Variants in PAQR5 observed in about 807,000 individuals in gnomAD.
PAQR5 encodes progestin and adipoQ receptor family member 5.
Under a neutral mutation model 34.5 loss-of-function variants are expected in PAQR5, and 20 were observed. The ratio of observed to expected loss-of-function variants is 0.58; its 90% CI spans 0.41 to 0.84. PAQR5 has a LOEUF of 0.84. Ranked by LOEUF, PAQR5 falls within the 40% of genes least tolerant of loss-of-function variation. The pLI is 0.00. For synonymous variants in PAQR5, 131 were observed against 155.6 expected, an observed-to-expected ratio of 0.84 and a Z score of 1.18; for missense variants, 378 against 412.7, an observed-to-expected ratio of 0.92 and a Z score of 0.73.
At chr15:69,392,319 A>G (rs2056297993) in intron 6 of PAQR5, among the ~76,000 whole-genome samples, 2 of 152,108 alleles carry the variant, frequency 1.3e-5, no homozygotes. Context: ...CTGATGGTTC[A>G]GATATAACGG....
intron 1 of PAQR5, among the ~76,000 whole-genome samples, chr15:69,300,943 CTTTCCT>C (rs1246410856): frequency 3.1e-4 from 14 of 44,620 alleles, no homozygotes; most frequent in African/African-American, 9.1e-4. Flanking sequence ...CTCTCTCTTT[CTTTCCT>C]TCTTTCTTTC....
At chr15:69,371,141 GTTC>G (rs773401986) in intron 3 of PAQR5, among the ~76,000 whole-genome samples, 105 of 152,150 alleles carry the variant, frequency 6.9e-4, no homozygotes, top group Non-Finnish European at 1.3e-3. Context: ...AGTCATTGTA[GTTC>G]TTAGTTTTGT....
intron 2 of PAQR5, among the ~76,000 whole-genome samples, chr15:69,345,273 G>A (rs2054740275): frequency 6.6e-6 from 1 of 152,208 alleles, no homozygotes; most frequent in South Asian, 2.1e-4. Flanking sequence ...ATGCTGTGAA[G>A]AGACTGTTTA....
At chr15:69,383,253 C>G (rs2055962225) in intron 4 of PAQR5, among the ~76,000 whole-genome samples, 10 of 83,934 alleles carry the variant, frequency 1.2e-4, no homozygotes, top group Middle Eastern at 6.0e-3. Context: ...CCATGTTCAT[C>G]ATGGAGGGTG....
chr15:69,349,175 T>C (rs2054848720), intron 2 of PAQR5, among the ~76,000 whole-genome samples: 1 of 152,130 alleles, frequency 6.6e-6, no homozygotes, highest in South Asian at 2.1e-4. Context: ...CACAATGGTA[T>C]GGCCTTCCCA....
At position 69,365,046 on chromosome 15, in the gene PAQR5, A is replaced by AATTTT. The variant is rs71803465; in HGVS notation, c.51+4980_51+4984dup. ...CCACCGCATCTGGCCTTCCCTTATGAATTTTATTTTATTTTATTTTATTTT... is the reference window on the plus strand; with the variant it reads ...CCACCGCATCTGGCCTTCCCTTATGAATTTTATTTTATTTTATTTTATTTTATTTT... On this transcript the variant is annotated intron_variant, in intron 3 of 8. Coordinates refer to ENST00000395407, the MANE Select transcript of PAQR5 (RefSeq NM_017705.4). Among the ~76,000 whole-genome samples the AATTTT allele has an allele frequency of 3.6e-3, 473 of 132,020 alleles. 10 individuals are homozygous for AATTTT. Among genetic ancestry groups the AATTTT allele is most frequent in the African/African-American group, 0.013 (453 of 34,170 alleles). The allele number at this position is 132,020 out of a possible 152,430, so 86.6% of individuals were successfully genotyped here. A position where few individuals can be genotyped will look rare whatever the true frequency, so the allele number is the denominator to read the frequency against.
chr15:69,325,680 T>G (rs1039892383), intron 1 of PAQR5, among the ~76,000 whole-genome samples: 3 of 152,202 alleles, frequency 2.0e-5, no homozygotes, highest in Admixed American at 6.5e-5. Flanking sequence ...CCAGGGCAGG[T>G]GCAAACTCGG....
intron 1 of PAQR5, among the ~76,000 whole-genome samples, chr15:69,313,509 G>T (rs143566477): frequency 3.9e-5 from 6 of 152,040 alleles, no homozygotes; most frequent in African/African-American, 1.4e-4. Flanking sequence ...CAAAAACAGC[G>T]GCAACAACAA....
rs184216198 is a variant in PAQR5 at position 69,365,150 on chromosome 15, A to G, written c.51+5019A>G. ...GAGACAGAGTCTTGCTTTGTCACCC[A>G]GGCTGGAGTGCAGTGGCGCAATCTC... On this transcript the variant is annotated intron_variant, in intron 3 of 8. Transcript: ENST00000395407. Among the ~76,000 whole-genome samples, 367 of 150,972 alleles carry G rather than the reference A, an allele frequency of 2.4e-3. 2 individuals carry two copies. The highest frequency in any genetic ancestry group is 8.8e-3 in the African/African-American group (359 of 40,928).
chr15:69,359,389 G>A (rs1039014179), intron 2 of PAQR5, among the ~76,000 whole-genome samples: 1 of 152,194 alleles, frequency 6.6e-6, no homozygotes. Context: ...GGGGGCATCA[G>A]CAAGACTCCT....
chr15:69,402,149 A>G (rs767181812), intron 8 of PAQR5, among the ~76,000 whole-genome samples: 2 of 152,148 alleles, frequency 1.3e-5, no homozygotes, highest in East Asian at 3.9e-4. Context: ...TAAACAACTG[A>G]AATTTATTTT....
chr15:69,320,761 G>A (rs949277214), intron 1 of PAQR5, among the ~76,000 whole-genome samples: 1 of 152,052 alleles, frequency 6.6e-6, no homozygotes, highest in Non-Finnish European at 1.5e-5. Flanking sequence ...TCAAAATTCA[G>A]TCATGGAAAG....
intron 1 of PAQR5, among the ~76,000 whole-genome samples, chr15:69,327,870 C>A (rs1483008416): frequency 6.6e-6 from 1 of 152,124 alleles, no homozygotes; most frequent in East Asian, 1.9e-4. Context: ...CCCTCACCTA[C>A]CAGAGTCAAG....
intron 1 of PAQR5, among the ~76,000 whole-genome samples, chr15:69,300,876 TCTTTCTTTCTTTCTTTCTTC>T (rs1441679633): frequency 4.0e-5 from 1 of 25,216 alleles, no homozygotes; most frequent in African/African-American, 1.0e-4. Flanking sequence ...TTTCTTTCTT[TCTTTCTTTCTTTCTTTCTTC>T]CTTCCTTCCT....
chr15:69,335,968 T>G (rs1439839703), intron 1 of PAQR5, among the ~76,000 whole-genome samples: 1 of 152,182 alleles, frequency 6.6e-6, no homozygotes, highest in Non-Finnish European at 1.5e-5. Context: ...GAAGACGATT[T>G]TTATGTAATG....
At position 69,300,841 on chromosome 15, in the gene PAQR5, T is replaced by TTTTCTTTCTTTC. The variant is rs541929828; in HGVS notation, c.-277+1828_-277+1839dup. ...TTCCTTCCTTCCTTCCTTTAGTTCG[T>TTTTCTTTCTTTC]TTTCTTTCTTTCTTTCTTTCTTTCT... On this transcript the variant is annotated intron_variant, in intron 1 of 8. Coordinates refer to ENST00000395407, the MANE Select transcript of PAQR5 (RefSeq NM_017705.4). 5.6e-4 allele frequency among the ~76,000 whole-genome samples: 11 copies of TTTTCTTTCTTTC among 19,578 alleles called. 3 individuals carry two copies. Among genetic ancestry groups the TTTTCTTTCTTTC allele is most frequent in the East Asian group, 3.9e-3 (2 of 512 alleles). 12.8% of individuals were successfully genotyped at this position (19,578 alleles called of 152,430 possible). A position where few individuals can be genotyped will look rare whatever the true frequency, so the allele number is the denominator to read the frequency against.
intron 1 of PAQR5, among the ~76,000 whole-genome samples, chr15:69,319,199 A>T (rs1057066558): frequency 2.1e-5 from 1 of 48,222 alleles, no homozygotes. Context: ...ATATATATAT[A>T]TATATATATA....
At chr15:69,300,822 C>CT in intron 1 of PAQR5, among the ~76,000 whole-genome samples, 1 of 77,094 alleles carries the variant, frequency 1.3e-5, no homozygotes, top group East Asian at 4.4e-4. Flanking sequence ...TTCCTTCCTT[C>CT]CTTCCTTCCT....
At chr15:69,348,791 G>T (rs1442442547) in intron 2 of PAQR5, among the ~76,000 whole-genome samples, 1 of 152,080 alleles carries the variant, frequency 6.6e-6, no homozygotes, top group East Asian at 1.9e-4. Flanking sequence ...TGACCAGAGG[G>T]GCAGGTAGCT....
Sources: allele counts gnomAD v4.1 joint callset (sites outside exome capture counted in the v4.1 genomes callset), GRCh38; gene constraint gnomAD v4.1.1; transcripts MANE v1.5; gene names NCBI Gene and HGNC (gene_info 2026-07-23, HGNC 2026-07-21).